FAM151B: variants seen among roughly 807,000 people sequenced by gnomAD.
FAM151B encodes the protein protein FAM151B.
FAM151B carries 24 observed loss-of-function variants against 31.2 expected under a neutral mutation model. That is an observed-to-expected ratio of 0.77 (90% CI 0.56 to 1.08). FAM151B has a LOEUF of 1.08. Among genes scored for constraint, FAM151B ranks in the 50% least tolerant of loss-of-function variants. FAM151B has a pLI of 0.00. For missense variants in FAM151B, 293 were observed against 328.6 expected, an observed-to-expected ratio of 0.89 and a Z score of 0.84; for synonymous variants, 105 against 111.4, an observed-to-expected ratio of 0.94 and a Z score of 0.36.
intron 5 of FAM151B, among the ~76,000 whole-genome samples, chr5:80,528,251 A>C (rs1456799415): frequency 6.6e-6 from 1 of 152,128 alleles, no homozygotes. Flanking sequence ...AAATCATATC[A>C]CTAGAGAAAA....
At chr5:80,538,455 TTTCTTTCTTTCTTTCTTTCTTTC>T (rs1561383623) in intron 5 of FAM151B, among the ~76,000 whole-genome samples, 13 of 59,686 alleles carry the variant, frequency 2.2e-4, no homozygotes, top group African/African-American at 7.0e-4. Flanking sequence ...TTTCTCTTTC[TTTCTTTCTTTCTTTCTTTCTTTC>T]TTTCTTTCCT....
chr5:80,501,154 C>G (rs1743725252), intron 1 of FAM151B: 1 of 366,952 alleles, frequency 2.7e-6, no homozygotes, highest in South Asian at 2.9e-5. Context: ...ACTGGGATTA[C>G]AGGCGTGTGC....
intron 2 of FAM151B, among the ~76,000 whole-genome samples, chr5:80,505,458 G>A (rs1029171810): frequency 6.7e-6 from 1 of 149,044 alleles, no homozygotes; most frequent in Non-Finnish European, 1.5e-5. Flanking sequence ...GCAGTGGCAC[G>A]ATCTCGGCTC....
chr5:80,534,280 C>A (rs1369072393), intron 5 of FAM151B, among the ~76,000 whole-genome samples: 1 of 151,630 alleles, frequency 6.6e-6, no homozygotes, highest in Non-Finnish European at 1.5e-5. Context: ...ACCCTGATAC[C>A]AAAAACAGAC....
intron 2 of FAM151B, among the ~76,000 whole-genome samples, chr5:80,507,975 A>G (rs1744037909): frequency 6.6e-6 from 1 of 152,014 alleles, no homozygotes; most frequent in African/African-American, 2.4e-5. Flanking sequence ...CTGAATTGTC[A>G]CTTCCTCAAA....
chr5:80,509,169 A>C (rs1744093098), intron 2 of FAM151B, among the ~76,000 whole-genome samples: 1 of 150,854 alleles, frequency 6.6e-6, no homozygotes, highest in African/African-American at 2.4e-5. Context: ...AGTAGAGATG[A>C]GGTCTCGCTA....
chr5:80,530,039 G>T (rs1299910748), intron 5 of FAM151B, among the ~76,000 whole-genome samples: 1 of 132,264 alleles, frequency 7.6e-6, no homozygotes, highest in South Asian at 2.2e-4. Flanking sequence ...TATCCAGCAC[G>T]ATCAAGTGGG....
chr5:80,521,974 A>G (rs201474416), intron 4 of FAM151B, 29 bp from the exon 5 acceptor site: 39 of 1,499,788 alleles, frequency 2.6e-5, no homozygotes, highest in Non-Finnish European at 3.2e-5. Flanking sequence ...TTCAATCAAT[A>G]AAGTTAAATT....
At chr5:80,533,893 CAAAT>C (rs1371228441) in intron 5 of FAM151B, among the ~76,000 whole-genome samples, 2 of 150,902 alleles carry the variant, frequency 1.3e-5, no homozygotes, top group African/African-American at 2.4e-5. Flanking sequence ...ACAGAGAATC[CAAAT>C]AAATAAAATC....
chr5:80,507,510 G>A (rs1401183422), intron 2 of FAM151B, among the ~76,000 whole-genome samples: 2 of 151,798 alleles, frequency 1.3e-5, no homozygotes, highest in South Asian at 2.1e-4. Flanking sequence ...GAGAAACCCC[G>A]TCTCTACTAA....
chr5:80,521,381 CT>C (rs768882559), intron 4 of FAM151B, among the ~76,000 whole-genome samples: 18 of 152,132 alleles, frequency 1.2e-4, no homozygotes, highest in East Asian at 9.6e-4. Flanking sequence ...CCACCTTGGC[CT>C]CTCAAAGTGC....
intron 3 of FAM151B, among the ~76,000 whole-genome samples, chr5:80,518,075 G>GAA (rs796173147): frequency 2.7e-5 from 2 of 72,812 alleles, no homozygotes. Flanking sequence ...CCATCTCAAA[G>GAA]AAAAAAAAAA....
At chr5:80,538,052 A>G (rs1025974805) in intron 5 of FAM151B, among the ~76,000 whole-genome samples, 5 of 144,658 alleles carry the variant, frequency 3.5e-5, no homozygotes, top group Admixed American at 2.8e-4. Context: ...CTTCCTTTTT[A>G]CTTTTATTTT....
chr5:80,535,806 A>G (rs961718761), intron 5 of FAM151B, among the ~76,000 whole-genome samples: 2 of 152,258 alleles, frequency 1.3e-5, no homozygotes, highest in Non-Finnish European at 2.9e-5. Context: ...GAAACAATGT[A>G]CAGAATGGGA....
chr5:80,538,137 G>A lies in FAM151B; in HGVS notation c.672-3536G>A, dbSNP rs377001466. On this transcript the variant is annotated intron_variant, in intron 5 of 5. Coordinates refer to ENST00000282226, the MANE Select transcript of FAM151B (RefSeq NM_205548.3). ...GGCTGGAGTTCAGTGGCGCGATTTCGGGTCACTGCAACCTCCACCTCCCGG... is the reference window on the plus strand; with the variant it reads ...GGCTGGAGTTCAGTGGCGCGATTTCAGGTCACTGCAACCTCCACCTCCCGG... 4.6e-5 allele frequency among the ~76,000 whole-genome samples: 7 copies of A among 151,018 alleles called. No homozygotes were observed. The East Asian group carries it at 9.7e-4, about 21-fold the overall frequency.
intron 2 of FAM151B, among the ~76,000 whole-genome samples, chr5:80,509,594 CCGAG>C (rs1744107987): frequency 6.6e-6 from 1 of 152,060 alleles, no homozygotes; most frequent in Non-Finnish European, 1.5e-5. Flanking sequence ...AAATTTTGGC[CCGAG>C]ACTGTCTCTT....
At position 80,495,465 on chromosome 5, in the gene FAM151B, A is replaced by G. The variant is rs530684363; in HGVS notation, c.26-6327A>G. Among the ~76,000 whole-genome samples the G allele has an allele frequency of 5.3e-5, 8 of 152,332 alleles. No individual in the cohort carries two copies. The East Asian group carries it at 1.3e-3, about 26-fold the overall frequency. On this transcript the variant is annotated intron_variant, in intron 1 of 5. Coordinates refer to ENST00000282226, the MANE Select transcript of FAM151B (RefSeq NM_205548.3). ...ATTAACAGGAGTTTGGAAGAAGTTG[A>G]TTCCAGCTCTCATGGGTGACTTTGA...
intron 1 of FAM151B, among the ~76,000 whole-genome samples, chr5:80,497,424 AAAAAAC>A (rs1181898225): frequency 6.6e-6 from 1 of 151,850 alleles, no homozygotes; most frequent in Non-Finnish European, 1.5e-5. Flanking sequence ...CAAAAAAAAA[AAAAAAC>A]AAAAACAATA....
chr5:80,531,185 T>G (rs981712306), intron 5 of FAM151B, among the ~76,000 whole-genome samples: 8 of 152,226 alleles, frequency 5.3e-5, no homozygotes, highest in Non-Finnish European at 1.2e-4. Flanking sequence ...GCTAGCCATA[T>G]GTAGAAAGCT....
Sources: allele counts gnomAD v4.1 joint callset (sites outside exome capture counted in the v4.1 genomes callset), GRCh38; gene constraint gnomAD v4.1.1; transcripts MANE v1.5; gene names NCBI Gene and HGNC (gene_info 2026-07-23, HGNC 2026-07-21).